Variants in RNGTT observed in about 807,000 individuals in gnomAD.
The protein encoded by RNGTT is mRNA-capping enzyme.
In RNGTT, 33 loss-of-function variants were observed where a neutral mutation model predicts 79.3. The ratio of observed to expected loss-of-function variants is 0.42; its 90% confidence interval spans 0.32 to 0.56. The LOEUF is 0.56. RNGTT is among the 20% of genes least tolerant of loss of function. The pLI is 0.17. For synonymous variants in RNGTT, 222 were observed against 235.9 expected, an observed-to-expected ratio of 0.94 and a Z score of 0.54; for missense variants, 497 against 739.1, an observed-to-expected ratio of 0.67 and a Z score of 3.80.
At chr6:88,930,110 G>A (rs1269001267) in intron 2 of RNGTT, among the ~76,000 whole-genome samples, 13 of 126,470 alleles carry the variant, frequency 1.0e-4, no homozygotes, top group East Asian at 4.1e-4. Context: ...ATACATATAC[G>A]TGTATACATA....
Position 88,625,067 on chromosome 6 carries a change from T to C in RNGTT, c.1507-10672A>G, listed in dbSNP as rs150121207. ...ATTAGAATGTCTAAAATAAAATATA[T>C]TGACAATATCAAAGTGTTGACAACA... On this transcript the variant is annotated intron_variant, in intron 14 of 15. Transcript: ENST00000369485. 6.2e-4 allele frequency among the ~76,000 whole-genome samples: 95 copies of C among 152,052 alleles called. 1 individual carries two copies. In the East Asian group the frequency reaches 0.018, roughly 29 times the overall value.
At chr6:88,853,377 T>C (rs1781734595) in intron 9 of RNGTT, among the ~76,000 whole-genome samples, 1 of 152,022 alleles carries the variant, frequency 6.6e-6, no homozygotes, top group African/African-American at 2.4e-5. Flanking sequence ...TGGTGGCACA[T>C]GCCTGTAATC....
intron 11 of RNGTT, among the ~76,000 whole-genome samples, chr6:88,817,490 T>TAAAAAAAAAAAAA (rs11354100): frequency 1.3e-3 from 59 of 44,566 alleles, no homozygotes; most frequent in Non-Finnish European, 1.5e-3. Flanking sequence ...AAAAAATAAG[T>TAAAAAAAAAAAAA]AAAAAAAAAA....
At chr6:88,925,172 A>C (rs560617294) in intron 4 of RNGTT, among the ~76,000 whole-genome samples, 1 of 152,332 alleles carries the variant, frequency 6.6e-6, no homozygotes, top group Non-Finnish European at 1.5e-5. Context: ...CAAGAAAAAA[A>C]AAGAAAAAAC....
chr6:88,662,436 C>G (rs1774223917), intron 14 of RNGTT, among the ~76,000 whole-genome samples: 1 of 152,362 alleles, frequency 6.6e-6, no homozygotes, highest in East Asian at 1.9e-4. Context: ...TTCACATGGA[C>G]CCCTCAGAGT....
intron 12 of RNGTT, among the ~76,000 whole-genome samples, chr6:88,791,595 A>G (rs1230590096): frequency 6.6e-6 from 1 of 152,004 alleles, no homozygotes; most frequent in Non-Finnish European, 1.5e-5. Context: ...GCTGGAGTGC[A>G]GTGGCACAAT....
chr6:88,633,063 A>G (rs992654372), intron 14 of RNGTT, among the ~76,000 whole-genome samples: 6 of 152,202 alleles, frequency 3.9e-5, no homozygotes, highest in African/African-American at 1.4e-4. Flanking sequence ...TAAATTTCAG[A>G]TAGCATTTTT....
At chr6:88,641,936 T>A (rs971182763) in intron 14 of RNGTT, among the ~76,000 whole-genome samples, 1 of 152,152 alleles carries the variant, frequency 6.6e-6, no homozygotes, top group African/African-American at 2.4e-5. Context: ...AAAAAGTAAG[T>A]CTGTAGGTCT....
intron 2 of RNGTT, among the ~76,000 whole-genome samples, chr6:88,940,360 T>C (rs1478208718): frequency 1.3e-5 from 2 of 152,210 alleles, no homozygotes; most frequent in Non-Finnish European, 2.9e-5. Context: ...ATTACAGGCA[T>C]GAGCCATGGC....
chr6:88,703,456 C>T (rs1263778629), intron 13 of RNGTT, among the ~76,000 whole-genome samples: 2 of 152,098 alleles, frequency 1.3e-5, no homozygotes, highest in African/African-American at 4.8e-5. Flanking sequence ...GAACAGAAAA[C>T]GCAGGTTCTC....
At chr6:88,944,161 G>A (rs1784935799) in intron 1 of RNGTT, among the ~76,000 whole-genome samples, 1 of 152,122 alleles carries the variant, frequency 6.6e-6, no homozygotes, top group South Asian at 2.1e-4. Context: ...AGCTAATTGT[G>A]TATGTTTACC....
intron 11 of RNGTT, 56 bp downstream of exon 11, chr6:88,844,301 G>C (rs933902867): frequency 6.8e-7 from 1 of 1,477,030 alleles, no homozygotes; most frequent in African/African-American, 1.4e-5. Context: ...TATTCATCTT[G>C]TAAGCTGAAT....
intron 11 of RNGTT, among the ~76,000 whole-genome samples, chr6:88,816,426 C>T (rs1780317344): frequency 6.6e-6 from 1 of 151,816 alleles, no homozygotes; most frequent in African/African-American, 2.4e-5. Context: ...ATTCTAAGAA[C>T]ACGCAAAAAG....
chr6:88,698,200 G>GAC (rs1554206717), intron 13 of RNGTT, among the ~76,000 whole-genome samples: 1 of 81,324 alleles, frequency 1.2e-5, no homozygotes, highest in East Asian at 2.8e-4. Flanking sequence ...AAATATATAT[G>GAC]ATATATATGA....
At chr6:88,742,263 A>G (rs1319933564) in intron 13 of RNGTT, among the ~76,000 whole-genome samples, 1 of 152,218 alleles carries the variant, frequency 6.6e-6, no homozygotes, top group Non-Finnish European at 1.5e-5. Flanking sequence ...TAGCCCAAAG[A>G]GAGAAATCAC....
intron 1 of RNGTT, among the ~76,000 whole-genome samples, chr6:88,942,370 T>A (rs745598001): frequency 6.6e-6 from 1 of 152,026 alleles, no homozygotes; most frequent in Non-Finnish European, 1.5e-5. Flanking sequence ...TTAACTGATA[T>A]ATGTATGCGT....
intron 14 of RNGTT, among the ~76,000 whole-genome samples, chr6:88,628,997 T>A: frequency 7.9e-6 from 1 of 125,968 alleles, no homozygotes; most frequent in South Asian, 2.6e-4. Flanking sequence ...ATAAGAAACA[T>A]AGGCTGCATG....
At chr6:88,761,044 CACACACACAT>C (rs1778211344) in intron 13 of RNGTT, among the ~76,000 whole-genome samples, 1 of 150,858 alleles carries the variant, frequency 6.6e-6, no homozygotes, top group Non-Finnish European at 1.5e-5. Context: ...CACACACACA[CACACACACAT>C]ACACTCTAGT....
intron 11 of RNGTT, among the ~76,000 whole-genome samples, chr6:88,806,571 T>TC (rs751573084): frequency 2.6e-5 from 4 of 152,044 alleles, no homozygotes; most frequent in Non-Finnish European, 4.4e-5. Context: ...TGCCTCGGCC[T>TC]CCTAAAGTGC....
Sources: gnomAD v4.1 joint callset for allele counts (sites outside exome capture counted in the v4.1 genomes callset) on GRCh38, gnomAD v4.1.1 for gene constraint, MANE v1.5 for transcripts, NCBI Gene and HGNC (gene_info 2026-07-23, HGNC 2026-07-21) for gene names.